The following C11orf65 variants were observed in gnomAD, a reference collection of about 807,000 sequenced individuals.
The protein encoded by C11orf65 is protein MFI.
A neutral mutation model predicts 35.3 loss-of-function variants in C11orf65; 38 were observed. The observed-to-expected ratio is 1.08, with a 90% CI of 0.83 to 1.41. The LOEUF is 1.41. Among genes scored for constraint, C11orf65 ranks in the 40% most tolerant of loss-of-function variants. The pLI is 0.00. For synonymous variants in C11orf65, 105 were observed against 114.4 expected, an observed-to-expected ratio of 0.92 and a Z score of 0.53; for missense variants, 370 against 367.1, an observed-to-expected ratio of 1.01 and a Z score of -0.06.
chr11:108,349,842 G>C (rs1006752675), intron 2 of C11orf65, among the ~76,000 whole-genome samples: 3 of 152,116 alleles, frequency 2.0e-5, no homozygotes, highest in African/African-American at 7.2e-5. Context: ...AATAGCAAGG[G>C]AAATCATAAA....
At position 108,365,195 on chromosome 11, in the gene C11orf65, C is replaced by T. The variant is rs969795398; in HGVS notation, c.226+28013G>A. 5 of 1,614,038 alleles carry T rather than the reference C, an allele frequency of 3.1e-6. No homozygotes were observed. The African/African-American group carries it at 6.7e-5, about 22-fold the overall frequency. On this transcript the variant is annotated intron_variant, in intron 2 of 3. Transcript: ENST00000524755. ...TTCACCCTACTCTGAATGCAGATGA[C>T]CAAGAATGCAAACGAAATCTCAGGT...
At chr11:108,348,279 A>G (rs1459519890) in intron 2 of C11orf65, among the ~76,000 whole-genome samples, 1 of 151,912 alleles carries the variant, frequency 6.6e-6, no homozygotes, top group African/African-American at 2.4e-5. Flanking sequence ...TAAGGAATAT[A>G]TCAAGTTTTG....
At chr11:108,335,135 C>T (rs2136667653) in intron 3 of C11orf65, 1 of 1,613,634 alleles carries the variant, frequency 6.2e-7, no homozygotes, top group African/African-American at 1.3e-5. Context: ...TCTGGCTTAG[C>T]CCTTAGAGTT....
At chr11:108,341,477 ACT>A (rs1363321123) in intron 2 of C11orf65, among the ~76,000 whole-genome samples, 2 of 151,848 alleles carry the variant, frequency 1.3e-5, no homozygotes, top group African/African-American at 4.8e-5. Flanking sequence ...CCTTTTTCCC[ACT>A]CTGTTCTCAG....
intron 2 of C11orf65, among the ~76,000 whole-genome samples, chr11:108,353,547 G>C (rs746050574): frequency 2.0e-5 from 3 of 152,114 alleles, no homozygotes; most frequent in Non-Finnish European, 4.4e-5. Context: ...TCTCTAGTTG[G>C]GTTAAGAAGT....
At chr11:108,431,718 A>C in intron 3 of C11orf65, 28 bp downstream of exon 3, 1 of 1,162,004 alleles carries the variant, frequency 8.6e-7, no homozygotes, top group Non-Finnish European at 1.2e-6. Context: ...AAAATATAGG[A>C]TGCTATATCA....
chr11:108,312,365 C>T (rs2084236356), intron 6 of C11orf65: 1 of 1,423,632 alleles, frequency 7.0e-7, no homozygotes, highest in Non-Finnish European at 9.9e-7. Flanking sequence ...TCAGGAGCTT[C>T]CAAATAGTAT....
intron 2 of C11orf65, among the ~76,000 whole-genome samples, chr11:108,452,231 G>A (rs2093357551): frequency 6.6e-6 from 1 of 152,026 alleles, no homozygotes; most frequent in African/African-American, 2.4e-5. Flanking sequence ...CTACAGAATG[G>A]GAGAAAATTT....
intron 2 of C11orf65, among the ~76,000 whole-genome samples, chr11:108,441,320 G>A (rs976884646): frequency 3.5e-4 from 54 of 152,346 alleles, no homozygotes; most frequent in African/African-American, 9.1e-4. Context: ...CAAAGCAGCC[G>A]GGAAGCTCGA....
chr11:108,392,430 TC>T (rs11357248), intron 7 of C11orf65, among the ~76,000 whole-genome samples: 152,330 of 152,330 alleles, frequency 1, 76,165 homozygotes, highest in Non-Finnish European at 1. Context: ...ATTTGGGGTG[TC>T]TTCTGCTTTT....
At chr11:108,386,113 C>T (rs1255739769) in intron 7 of C11orf65, 138 bp from the exon 8 acceptor site, 3 of 686,194 alleles carry the variant, frequency 4.4e-6, no homozygotes, top group Non-Finnish European at 7.5e-6. Flanking sequence ...ACTCTCAAGA[C>T]TTTCTCACCT....
intron 3 of C11orf65, among the ~76,000 whole-genome samples, chr11:108,411,535 C>T (rs1055608886): frequency 5.9e-5 from 9 of 152,144 alleles, no homozygotes; most frequent in Non-Finnish European, 1.2e-4. Context: ...AATATCTGTA[C>T]TAAATTTTTT....
rs1591129223 is a variant in C11orf65 at position 108,325,433 on chromosome 11, G to C, written c.641-16362C>G. The C allele has an allele frequency of 6.2e-7, 1 of 1,613,574 alleles. No homozygotes were observed. Among genetic ancestry groups the C allele is most frequent in the African/African-American group, 1.3e-5 (1 of 74,948 alleles). ...TGGCTCTACGCACAGTCATTTTGGA[G>C]ATCCTGATGGAAAAGGAAATGGACA... On this transcript the variant is annotated intron_variant, in intron 6 of 6. Coordinates refer to the C11orf65 transcript ENST00000525729.
intron 2 of C11orf65, among the ~76,000 whole-genome samples, chr11:108,361,307 C>G (rs2090718716): frequency 1.4e-5 from 2 of 139,240 alleles, no homozygotes; most frequent in East Asian, 2.1e-4. Flanking sequence ...AGGATACAAA[C>G]AAATGGAAGA....
chr11:108,423,411 A>G (rs2092850220), intron 3 of C11orf65, among the ~76,000 whole-genome samples: 1 of 152,160 alleles, frequency 6.6e-6, no homozygotes, highest in Admixed American at 6.5e-5. Context: ...GGACATCTGC[A>G]ATTACTGAGG....
intron 6 of C11orf65, among the ~76,000 whole-genome samples, chr11:108,403,458 T>C (rs1389862658): frequency 2.0e-5 from 3 of 147,164 alleles, no homozygotes; most frequent in African/African-American, 7.5e-5. Flanking sequence ...TCAAGAACTT[T>C]GTCAGATATA....
At chr11:108,466,915 C>G (rs1169887825) in intron 1 of C11orf65, among the ~76,000 whole-genome samples, 1 of 152,112 alleles carries the variant, frequency 6.6e-6, no homozygotes, top group Non-Finnish European at 1.5e-5. Flanking sequence ...ATTCGCGTGG[C>G]CTTTATAAGT....
intron 6 of C11orf65, among the ~76,000 whole-genome samples, chr11:108,397,159 A>G (rs1424318558): frequency 6.6e-6 from 1 of 151,752 alleles, no homozygotes. Context: ...AGGCCCTACT[A>G]AAAATACAAA....
intron 3 of C11orf65, among the ~76,000 whole-genome samples, chr11:108,423,332 G>C (rs191715358): frequency 1.1e-4 from 17 of 152,314 alleles, no homozygotes; most frequent in Admixed American, 2.0e-4. Context: ...AGATCCACTG[G>C]CTTGAAATTT....
Sources: gnomAD v4.1 joint callset for allele counts (sites outside exome capture counted in the v4.1 genomes callset) on GRCh38, gnomAD v4.1.1 for gene constraint, MANE v1.5 for transcripts, NCBI Gene and HGNC (gene_info 2026-07-23, HGNC 2026-07-21) for gene names.